Variants in URB1 observed in about 807,000 individuals in gnomAD.
The protein encoded by URB1 is URB1 ribosome biogenesis factor.
Under a neutral mutation model 242.3 loss-of-function variants are expected in URB1, and 197 were observed. The observed-to-expected ratio is 0.81, with a 90% CI of 0.72 to 0.91. The LOEUF (loss-of-function observed/expected upper bound fraction) is 0.91. URB1 is among the 40% of genes least tolerant of loss of function. The pLI is 0.00. For synonymous variants in URB1, 1,153 were observed against 1,201.8 expected, an observed-to-expected ratio of 0.96 and a Z score of 0.84; for missense variants, 2,721 against 2,860.5, an observed-to-expected ratio of 0.95 and a Z score of 1.11.
chr21:32,337,332 C>T, intron 27 of URB1, 72 bp downstream of exon 27: 1 of 1,431,154 alleles, frequency 7.0e-7, no homozygotes. Flanking sequence ...AGCTCTCATT[C>T]CCTATCTCTG....
chr21:32,378,380 A>T, intron 5 of URB1, 65 bp downstream of exon 5: 1 of 1,430,354 alleles, frequency 7.0e-7, no homozygotes, highest in South Asian at 1.2e-5. Flanking sequence ...AACTTGGAAG[A>T]AACGGTTTGC....
intron 30 of URB1, among the ~76,000 whole-genome samples, chr21:32,331,489 T>C (rs918214001): frequency 1.1e-4 from 17 of 152,008 alleles, no homozygotes; most frequent in South Asian, 6.2e-4. Context: ...TTCTGGAAGG[T>C]AGAAAGAAAG....
At chr21:32,389,048 G>GT (rs71670032) in intron 1 of URB1, among the ~76,000 whole-genome samples, 21,132 of 152,284 alleles carry the variant, frequency 0.14, 1,845 homozygotes, top group African/African-American at 0.25. Context: ...AGCACCTGTA[G>GT]TAAGTGCTAT....
intron 22 of URB1, 119 bp downstream of exon 22, chr21:32,346,837 T>A: frequency 1.5e-6 from 2 of 1,372,430 alleles, no homozygotes; most frequent in Non-Finnish European, 1.9e-6. Context: ...TGTCAGACAC[T>A]GGAAACTAAC....
At chr21:32,339,039 G>A in intron 25 of URB1, 139 bp from the exon 26 acceptor site, 1 of 957,846 alleles carries the variant, frequency 1.0e-6, no homozygotes, top group African/African-American at 1.7e-5. Context: ...CTATTGCCCA[G>A]GCTGGAGTAC....
chr21:32,391,788 A>T (rs2033641314), intron 1 of URB1, among the ~76,000 whole-genome samples: 1 of 151,808 alleles, frequency 6.6e-6, no homozygotes, highest in African/African-American at 2.4e-5. Context: ...CAAGGTGGGA[A>T]GATTGCTTGA....
Position 32,337,081 on chromosome 21 carries a change from G to C in URB1, c.4685+13C>G. ...GACCTCAAGGCCTAGTCTACCTCTA[G>C]CCCAACACTCACCTGAAGTTGATGA... is the stretch of plus-strand genomic sequence containing the variant. On this transcript the variant is annotated intron_variant, in intron 28 of 38. Coordinates refer to ENST00000382751, the MANE Select transcript of URB1 (RefSeq NM_014825.3). The C allele has an allele frequency of 6.4e-7, 1 of 1,551,660 alleles. No individual in the cohort carries two copies. Among genetic ancestry groups the C allele is most frequent in the Non-Finnish European group, 8.7e-7 (1 of 1,146,874 alleles).
At chr21:32,336,299 C>G (rs149953866) in intron 28 of URB1, among the ~76,000 whole-genome samples, 1 of 151,976 alleles carries the variant, frequency 6.6e-6, no homozygotes, top group Non-Finnish European at 1.5e-5. Flanking sequence ...AGTACTTTGA[C>G]GTGGAAATTG....
intron 25 of URB1, 117 bp from the exon 26 acceptor site, chr21:32,339,017 G>T: frequency 9.0e-7 from 1 of 1,113,020 alleles, no homozygotes; most frequent in Non-Finnish European, 1.2e-6. Flanking sequence ...TTGAGATGGA[G>T]TCTCATTCAT....
At chr21:32,322,624 G>A in intron 32 of URB1, 40 bp from the exon 33 acceptor site, 1 of 1,457,672 alleles carries the variant, frequency 6.9e-7, no homozygotes, top group South Asian at 1.2e-5. Context: ...GCAGGCCCCA[G>A]CAGGACGCCC....
intron 1 of URB1, among the ~76,000 whole-genome samples, chr21:32,388,806 G>A (rs916878752): frequency 1.3e-5 from 2 of 152,214 alleles, no homozygotes; most frequent in Non-Finnish European, 2.9e-5. Context: ...GAGCATTCCA[G>A]AGTATTACAG....
chr21:32,354,018 G>C lies in URB1; in HGVS notation c.2331C>G (p.Ile777Met). The C allele has an allele frequency of 6.4e-7, 1 of 1,551,740 alleles. No homozygotes were observed. The highest frequency in any genetic ancestry group is 1.4e-5 in the African/African-American group (1 of 73,154). The change falls in exon 18 of 39, where the codon ATC becomes ATG. Residue 777 changes from isoleucine (I) to methionine (M), a missense_variant. Ile to Met is a conservative substitution (Grantham distance 10). Transcript: ENST00000382751. Reference sequence around the variant, plus strand: ...CCGCACTGAATGGGAACGTGAGCAGGATCATGTCTTCACTCAACGTGAACC... The same window carrying C: ...CCGCACTGAATGGGAACGTGAGCAGCATCATGTCTTCACTCAACGTGAACC... The part of the protein sequence containing the change: ...EIGFTLSEDM[I>M]LLTFPFSAVV...
intron 17 of URB1, among the ~76,000 whole-genome samples, chr21:32,354,458 C>T (rs1292132342): frequency 3.9e-5 from 6 of 152,152 alleles, no homozygotes; most frequent in Non-Finnish European, 7.3e-5. Context: ...AGAGTACCTG[C>T]GTTCTAATCC....
intron 2 of URB1, among the ~76,000 whole-genome samples, chr21:32,385,306 A>ATC (rs1181130917): frequency 2.0e-5 from 3 of 152,346 alleles, no homozygotes; most frequent in South Asian, 2.1e-4. Context: ...TTGATTAGGA[A>ATC]TCTATGATCC....
intron 36 of URB1, among the ~76,000 whole-genome samples, 172 bp downstream of exon 36, chr21:32,319,045 A>G (rs1451958566): frequency 6.6e-6 from 1 of 152,172 alleles, no homozygotes; most frequent in African/African-American, 2.4e-5. Flanking sequence ...AATAAAATAG[A>G]TGTTCTGACA....
chr21:32,389,183 T>C (rs1045044177), intron 1 of URB1, among the ~76,000 whole-genome samples: 5 of 152,062 alleles, frequency 3.3e-5, no homozygotes, highest in Non-Finnish European at 5.9e-5. Context: ...AACGTAAGTA[T>C]TGAGGGGGCA....
chr21:32,378,649 C>T, intron 4 of URB1, 108 bp from the exon 5 acceptor site: 1 of 870,576 alleles, frequency 1.1e-6, no homozygotes, highest in Non-Finnish European at 1.9e-6. Context: ...ATCACCAGCC[C>T]CCCAGCCTTG....
At chr21:32,317,545 A>T in intron 37 of URB1, 131 bp downstream of exon 37, 1 of 1,369,534 alleles carries the variant, frequency 7.3e-7, no homozygotes, top group Non-Finnish European at 9.7e-7. Flanking sequence ...GGGCTCCAAG[A>T]TGGATGTGTC....
At chr21:32,322,003 A>T in intron 33 of URB1, 59 bp from the exon 34 acceptor site, 1 of 1,532,288 alleles carries the variant, frequency 6.5e-7, no homozygotes, top group Non-Finnish European at 8.8e-7. Context: ...TCATCTGACA[A>T]CTGTTCAAAC....
Sources: allele counts gnomAD v4.1 joint callset (sites outside exome capture counted in the v4.1 genomes callset), GRCh38; gene constraint gnomAD v4.1.1; transcripts MANE v1.5; gene names NCBI Gene and HGNC (gene_info 2026-07-23, HGNC 2026-07-21).